The following ZMAT4 variants were observed in gnomAD, a reference collection of about 807,000 sequenced individuals.
ZMAT4 encodes zinc finger matrin-type 4.
A neutral mutation model predicts 28.7 loss-of-function variants in ZMAT4; 17 were observed. The observed-to-expected ratio is 0.59, with a 90% CI of 0.41 to 0.89. The LOEUF (loss-of-function observed/expected upper bound fraction) is 0.89. Among genes scored for constraint, ZMAT4 ranks in the 40% least tolerant of loss-of-function variants. ZMAT4 has a pLI of 0.00. For missense variants in ZMAT4, 240 were observed against 283.8 expected (o/e 0.85, Z 1.11); for synonymous variants, 117 against 109.2 (o/e 1.07, Z -0.44).
At chr8:40,798,516 G>T (rs539965050) in intron 2 of ZMAT4, among the ~76,000 whole-genome samples, 2 of 152,184 alleles carry the variant, frequency 1.3e-5, no homozygotes. Context: ...CTCCCTGACT[G>T]ATTCCACTGT....
At chr8:40,534,248 GTAA>G (rs1352252102) in intron 6 of ZMAT4, among the ~76,000 whole-genome samples, 1 of 152,066 alleles carries the variant, frequency 6.6e-6, no homozygotes, top group African/African-American at 2.4e-5. Context: ...TATAGCTTTT[GTAA>G]TTATTCATCC....
intron 5 of ZMAT4, among the ~76,000 whole-genome samples, chr8:40,608,572 T>C (rs2118646541): frequency 6.6e-6 from 1 of 152,296 alleles, no homozygotes; most frequent in South Asian, 2.1e-4. Flanking sequence ...TGCTGGTATC[T>C]TTGCTCCATC....
intron 6 of ZMAT4, among the ~76,000 whole-genome samples, chr8:40,539,591 A>G (rs1362326931): frequency 6.6e-6 from 1 of 152,242 alleles, no homozygotes; most frequent in Non-Finnish European, 1.5e-5. Context: ...TTATTCATCT[A>G]TAAAACAAAG....
At chr8:40,765,961 A>C (rs1355110141) in intron 3 of ZMAT4, among the ~76,000 whole-genome samples, 1 of 152,234 alleles carries the variant, frequency 6.6e-6, no homozygotes, top group Non-Finnish European at 1.5e-5. Context: ...GCACGATTCC[A>C]GTAGCCATAG....
At chr8:40,717,428 G>A (rs1404448383) in intron 3 of ZMAT4, among the ~76,000 whole-genome samples, 2 of 152,310 alleles carry the variant, frequency 1.3e-5, no homozygotes, top group South Asian at 2.1e-4. Flanking sequence ...GTCCAGGCAG[G>A]AGGATTGCTT....
At chr8:40,848,701 C>G (rs557605831) in intron 1 of ZMAT4, among the ~76,000 whole-genome samples, 1 of 152,130 alleles carries the variant, frequency 6.6e-6, no homozygotes, top group African/African-American at 2.4e-5. Flanking sequence ...AAAAAGTACC[C>G]AATGGTTCTT....
intron 3 of ZMAT4, among the ~76,000 whole-genome samples, chr8:40,699,770 A>T (rs895846901): frequency 5.3e-5 from 8 of 152,242 alleles, no homozygotes; most frequent in Admixed American, 4.6e-4. Context: ...GTAATTTTTT[A>T]AAATTAGGAA....
intron 5 of ZMAT4, among the ~76,000 whole-genome samples, chr8:40,635,420 C>A (rs1274168816): frequency 6.6e-6 from 1 of 152,144 alleles, no homozygotes. Context: ...TACACTCACA[C>A]CTCAAAGTGC....
rs1814576376 is a variant in ZMAT4 at position 40,795,903 on chromosome 8, AG to A, written c.103-28174del. Among the ~76,000 whole-genome samples the A allele has an allele frequency of 2.6e-5, 4 of 152,224 alleles. No individual in the cohort carries two copies. The South Asian group carries it at 8.3e-4, about 32-fold the overall frequency. ...TTCCTGTTACAAAATGAACCTGAAA[AG>A]CAAAAGAAGTGCTTAAAATATACCA... On this transcript the variant is annotated intron_variant, in intron 2 of 6. Coordinates refer to ENST00000297737, the MANE Select transcript of ZMAT4 (RefSeq NM_024645.3).
At chr8:40,562,188 C>T (rs527652979) in intron 6 of ZMAT4, among the ~76,000 whole-genome samples, 13 of 152,312 alleles carry the variant, frequency 8.5e-5, no homozygotes, top group African/African-American at 2.6e-4. Flanking sequence ...GACATTCCTG[C>T]TCAGGCAAAA....
chr8:40,570,536 T>C (rs1804063401), intron 6 of ZMAT4, among the ~76,000 whole-genome samples: 1 of 151,960 alleles, frequency 6.6e-6, no homozygotes, highest in Non-Finnish European at 1.5e-5. Flanking sequence ...CCGTCTCTAC[T>C]AAAAATACAA....
chr8:40,552,148 C>A (rs1803387000), intron 6 of ZMAT4, among the ~76,000 whole-genome samples: 1 of 151,984 alleles, frequency 6.6e-6, no homozygotes, highest in African/African-American at 2.4e-5. Context: ...CATAATAGCC[C>A]TCTCTTCTCT....
At chr8:40,878,173 C>T (rs1244329801) in intron 1 of ZMAT4, among the ~76,000 whole-genome samples, 1 of 152,096 alleles carries the variant, frequency 6.6e-6, no homozygotes, top group African/African-American at 2.4e-5. Flanking sequence ...AGTGGTCAAC[C>T]GTCAATCATG....
At chr8:40,540,972 A>G (rs950039082) in intron 6 of ZMAT4, among the ~76,000 whole-genome samples, 1 of 152,124 alleles carries the variant, frequency 6.6e-6, no homozygotes, top group Non-Finnish European at 1.5e-5. Context: ...TTTACTATCA[A>G]ATGCCCAACT....
At chr8:40,865,212 A>T (rs552711123) in intron 1 of ZMAT4, among the ~76,000 whole-genome samples, 1 of 152,206 alleles carries the variant, frequency 6.6e-6, no homozygotes, top group Non-Finnish European at 1.5e-5. Flanking sequence ...AATGCCACTT[A>T]TTCTCTCGCT....
intron 6 of ZMAT4, among the ~76,000 whole-genome samples, chr8:40,535,118 G>A (rs1802806624): frequency 6.6e-6 from 1 of 152,158 alleles, no homozygotes; most frequent in Non-Finnish European, 1.5e-5. Flanking sequence ...AAGTGTCCCT[G>A]TCAGGGAATG....
At chr8:40,587,259 C>G (rs1804700204) in intron 5 of ZMAT4, among the ~76,000 whole-genome samples, 1 of 151,972 alleles carries the variant, frequency 6.6e-6, no homozygotes, top group Admixed American at 6.6e-5. Context: ...CAAACCAGTA[C>G]TACAGAAATG....
chr8:40,650,251 C>T (rs1807572564), intron 5 of ZMAT4, among the ~76,000 whole-genome samples: 1 of 151,940 alleles, frequency 6.6e-6, no homozygotes, highest in African/African-American at 2.4e-5. Context: ...GATATCACCA[C>T]CGATCCCACA....
intron 6 of ZMAT4, among the ~76,000 whole-genome samples, chr8:40,565,455 C>A (rs879822393): frequency 3.8e-4 from 54 of 141,622 alleles, no homozygotes; most frequent in Non-Finnish European, 7.5e-4. Context: ...GCGATCACTG[C>A]AACCCCCGCC....
Sources: allele counts gnomAD v4.1 joint callset (sites outside exome capture counted in the v4.1 genomes callset), GRCh38; gene constraint gnomAD v4.1.1; transcripts MANE v1.5; gene names NCBI Gene and HGNC (gene_info 2026-07-23, HGNC 2026-07-21).